The following ZNF385D variants were observed in gnomAD, a reference collection of about 807,000 sequenced individuals.
ZNF385D encodes the protein zinc finger protein 659.
In ZNF385D, 15 loss-of-function variants were observed where a neutral mutation model predicts 35.8. That is an observed-to-expected ratio of 0.42 (90% CI 0.28 to 0.64). The LOEUF is 0.64. Among genes scored for constraint, ZNF385D ranks in the 30% least tolerant of loss-of-function variants. The pLI is 0.23. For missense variants in ZNF385D, 474 were observed against 494.6 expected (o/e 0.96, Z 0.39); for synonymous variants, 212 against 186.8 (o/e 1.13, Z -1.10).
intron 1 of ZNF385D, among the ~76,000 whole-genome samples, chr3:21,698,274 A>C (rs2067541905): frequency 6.6e-6 from 1 of 152,222 alleles, no homozygotes; most frequent in African/African-American, 2.4e-5. Flanking sequence ...AGCCATAAAA[A>C]TAACAAAATC....
chr3:21,877,115 T>C (rs1269805670), intron 3 of ZNF385D, among the ~76,000 whole-genome samples: 1 of 152,056 alleles, frequency 6.6e-6, no homozygotes, highest in Admixed American at 6.6e-5. Flanking sequence ...CTAAGTGACC[T>C]GTACAGGAAA....
chr3:21,989,364 C>CA (rs1311482840), intron 3 of ZNF385D, among the ~76,000 whole-genome samples: 1 of 152,086 alleles, frequency 6.6e-6, no homozygotes, highest in Non-Finnish European at 1.5e-5. Context: ...CATTATTTTC[C>CA]AAATTTGCCA....
intron 3 of ZNF385D, among the ~76,000 whole-genome samples, chr3:22,099,175 G>A (rs1178603084): frequency 6.6e-6 from 1 of 152,058 alleles, no homozygotes; most frequent in Non-Finnish European, 1.5e-5. Flanking sequence ...ATGGAAAAAT[G>A]CTCATAATGA....
chr3:21,456,697 G>T (rs1302393291), intron 4 of ZNF385D, among the ~76,000 whole-genome samples: 1 of 151,972 alleles, frequency 6.6e-6, no homozygotes, highest in Non-Finnish European at 1.5e-5. Context: ...TAACAAACCT[G>T]CATGTTGTGC....
rs991451910 is a variant in ZNF385D at position 21,521,506 on chromosome 3, A to C, written c.277-10483T>G. Among the ~76,000 whole-genome samples the C allele has an allele frequency of 6.6e-5, 10 of 152,190 alleles. 1 individual carries two copies. The highest frequency in any genetic ancestry group is 4.6e-4 in the Admixed American group (7 of 15,268). On this transcript the variant is annotated intron_variant, in intron 3 of 7. Transcript: ENST00000281523. Reference sequence around the variant, plus strand: ...AGTGGCTTACACTTGTAATCCCAGCACTTTGGGAGGCCACAGTGGTAAGAT... The same window carrying C: ...AGTGGCTTACACTTGTAATCCCAGCCCTTTGGGAGGCCACAGTGGTAAGAT...
intron 3 of ZNF385D, among the ~76,000 whole-genome samples, chr3:21,515,266 TA>T (rs1280215506): frequency 6.6e-6 from 1 of 152,202 alleles, no homozygotes; most frequent in East Asian, 1.9e-4. Context: ...ACTGAGAAGT[TA>T]CTTTTTAGTA....
chr3:21,816,695 A>C (rs1246279427), intron 3 of ZNF385D, among the ~76,000 whole-genome samples: 1 of 152,230 alleles, frequency 6.6e-6, no homozygotes, highest in African/African-American at 2.4e-5. Flanking sequence ...GAACACAAAA[A>C]AATGGAAGAA....
At chr3:22,196,785 C>G (rs1349644000) in intron 2 of ZNF385D, among the ~76,000 whole-genome samples, 2 of 151,996 alleles carry the variant, frequency 1.3e-5, no homozygotes, top group African/African-American at 4.8e-5. Flanking sequence ...TTTAGTTTTA[C>G]TACACATTCA....
intron 3 of ZNF385D, among the ~76,000 whole-genome samples, chr3:21,816,681 AAG>A (rs1374937311): frequency 1.3e-5 from 2 of 152,182 alleles, no homozygotes; most frequent in African/African-American, 4.8e-5. Context: ...AATGAAATAA[AAG>A]AGAACACAAA....
At chr3:21,536,542 A>G (rs2062039577) in intron 3 of ZNF385D, among the ~76,000 whole-genome samples, 1 of 152,108 alleles carries the variant, frequency 6.6e-6, no homozygotes, top group Admixed American at 6.5e-5. Context: ...ACTGGCAAGC[A>G]TCATGATATT....
chr3:22,305,017 C>T (rs1485691432), intron 2 of ZNF385D, among the ~76,000 whole-genome samples: 1 of 152,008 alleles, frequency 6.6e-6, no homozygotes, highest in African/African-American at 2.4e-5. Flanking sequence ...ATAAAAATTT[C>T]CATTTCACTT....
At chr3:21,488,510 T>G (rs1705188170) in intron 4 of ZNF385D, among the ~76,000 whole-genome samples, 3 of 152,114 alleles carry the variant, frequency 2.0e-5, no homozygotes, top group South Asian at 2.1e-4. Flanking sequence ...AATATTAATT[T>G]AGCTTTTCTA....
intron 1 of ZNF385D, among the ~76,000 whole-genome samples, chr3:21,668,909 G>C (rs1356442304): frequency 6.6e-6 from 1 of 152,034 alleles, no homozygotes. Flanking sequence ...AAATTATCTT[G>C]ATAACTATAA....
chr3:21,501,046 G>A (rs550891372), intron 4 of ZNF385D, among the ~76,000 whole-genome samples: 3 of 152,266 alleles, frequency 2.0e-5, no homozygotes, highest in African/African-American at 7.2e-5. Context: ...GAAGGCTAGG[G>A]TGGGAGGGCC....
chr3:21,723,073 T>C (rs2068608803), intron 1 of ZNF385D, among the ~76,000 whole-genome samples: 1 of 151,852 alleles, frequency 6.6e-6, no homozygotes, highest in South Asian at 2.1e-4. Context: ...CCCAATATTA[T>C]AAAGGGTAAA....
intron 3 of ZNF385D, among the ~76,000 whole-genome samples, chr3:21,979,370 T>C (rs989974319): frequency 4.6e-5 from 7 of 152,202 alleles, no homozygotes; most frequent in South Asian, 4.1e-4. Flanking sequence ...ACAGGTAACC[T>C]CATTGTAGAC....
intron 1 of ZNF385D, among the ~76,000 whole-genome samples, chr3:21,670,815 T>C (rs775961583): frequency 1.3e-4 from 20 of 151,550 alleles, no homozygotes; most frequent in Non-Finnish European, 2.5e-4. Flanking sequence ...TTCTTCCTTA[T>C]GGGCTAACCA....
intron 3 of ZNF385D, among the ~76,000 whole-genome samples, chr3:21,849,084 T>A (rs1233335330): frequency 3.3e-5 from 5 of 152,108 alleles, no homozygotes; most frequent in Non-Finnish European, 7.4e-5. Context: ...TCAAACATCA[T>A]ATCTGTTGTT....
rs1277506663 is a variant in ZNF385D, at chr3:21,414,989, T to C, written c.*6225A>G. The stretch of plus-strand genomic sequence containing the variant: ...ATATTAGTTGCCCCTAGCCCTAGGG[T>C]CCTATACTGAAATTATATAACAATG... On this transcript the variant is annotated 3_prime_UTR_variant, in exon 8 of 8. Transcript: ENST00000281523. 1 of 152,036 alleles carries C rather than the reference T, an allele frequency of 6.6e-6. No homozygotes were observed. The highest frequency in any genetic ancestry group is 1.5e-5 in the Non-Finnish European group (1 of 67,986). 9.4% of individuals were successfully genotyped at this position (152,036 alleles called of 1,614,324 possible).
Sources: allele counts gnomAD v4.1 joint callset (sites outside exome capture counted in the v4.1 genomes callset), GRCh38; gene constraint gnomAD v4.1.1; transcripts MANE v1.5; gene names NCBI Gene and HGNC (gene_info 2026-07-23, HGNC 2026-07-21).